Variants in TSHZ2 observed in about 807,000 individuals in gnomAD.
TSHZ2 encodes the protein teashirt zinc finger homeobox 2, also known as teashirt homolog 2.
A neutral mutation model predicts 74.4 loss-of-function variants in TSHZ2; 21 were observed. The ratio of observed to expected loss-of-function variants is 0.28; its 90% CI spans 0.20 to 0.41. The LOEUF (loss-of-function observed/expected upper bound fraction) is 0.41, where lower values mean the gene tolerates loss of function less well. Among genes scored for constraint, TSHZ2 ranks in the 10% least tolerant of loss-of-function variants. TSHZ2 has a pLI of 1.00. For synonymous variants in TSHZ2, 540 were observed against 515.3 expected, an observed-to-expected ratio of 1.05 and a Z score of -0.65; for missense variants, 1,244 against 1,293.5, an observed-to-expected ratio of 0.96 and a Z score of 0.59.
intron 1 of TSHZ2, among the ~76,000 whole-genome samples, chr20:53,047,543 G>A (rs57075800): frequency 0.24 from 36,621 of 152,056 alleles, 7,745 homozygotes; most frequent in African/African-American, 0.57. Context: ...CTAGTGCATT[G>A]CCACAAAGCT....
intron 1 of TSHZ2, among the ~76,000 whole-genome samples, chr20:53,199,372 G>A (rs1034606679): frequency 5.9e-5 from 9 of 152,172 alleles, no homozygotes; most frequent in Non-Finnish European, 1.3e-4. Context: ...TACTCAGGAA[G>A]CAGAGGCATG....
chr20:53,479,242 AT>A, intron 2 of TSHZ2, among the ~76,000 whole-genome samples: 1 of 152,158 alleles, frequency 6.6e-6, no homozygotes, highest in Middle Eastern at 3.5e-3. Context: ...AAACTCGAGC[AT>A]GTACAAAAAT....
intron 2 of TSHZ2, among the ~76,000 whole-genome samples, chr20:53,288,410 CAAAAA>C (rs11475652): frequency 7.9e-6 from 1 of 126,988 alleles, no homozygotes; most frequent in East Asian, 2.4e-4. Context: ...GACTCCGTTT[CAAAAA>C]AAAAAAAAAA....
intron 1 of TSHZ2, among the ~76,000 whole-genome samples, chr20:53,023,818 G>A (rs1185389234): frequency 6.6e-6 from 1 of 152,122 alleles, no homozygotes; most frequent in Non-Finnish European, 1.5e-5. Context: ...ATTTTGTGCT[G>A]TTTATAAACA....
intron 2 of TSHZ2, among the ~76,000 whole-genome samples, chr20:53,416,334 A>G (rs1983252742): frequency 6.6e-6 from 1 of 152,248 alleles, no homozygotes; most frequent in Non-Finnish European, 1.5e-5. Flanking sequence ...TACCAGAGGC[A>G]CTGGAAATAA....
intron 2 of TSHZ2, among the ~76,000 whole-genome samples, chr20:53,287,384 G>C (rs1402461516): frequency 6.6e-6 from 1 of 152,164 alleles, no homozygotes; most frequent in Non-Finnish European, 1.5e-5. Context: ...GGTCCACAAG[G>C]GGTGGGCATT....
chr20:52,978,511 T>TA (rs1340960165), intron 1 of TSHZ2, among the ~76,000 whole-genome samples: 3 of 152,276 alleles, frequency 2.0e-5, no homozygotes, highest in East Asian at 1.9e-4. Context: ...AGGTCCCCTT[T>TA]AAAAAAACAC....
At chr20:53,120,962 A>T (rs1375985878) in intron 1 of TSHZ2, among the ~76,000 whole-genome samples, 1 of 152,244 alleles carries the variant, frequency 6.6e-6, no homozygotes, top group African/African-American at 2.4e-5. Context: ...GATATTCGAT[A>T]CAAATAGTTC....
rs561100356 is a variant in TSHZ2 at position 53,162,777 on chromosome 20, A to AT, written c.41-90720dup. On this transcript the variant is annotated intron_variant, in intron 1 of 2. Transcript: ENST00000371497. Reference sequence around the variant, plus strand: ...TGCTGTTACCTTGCACATTCTAACTATTAACTGCAGAGACATCTGCTGATT... The same window carrying AT: ...TGCTGTTACCTTGCACATTCTAACTATTTAACTGCAGAGACATCTGCTGATT... Among the ~76,000 whole-genome samples, 164 of 152,092 alleles carry AT rather than the reference A, an allele frequency of 1.1e-3. 1 individual carries two copies. The highest frequency in any genetic ancestry group is 3.7e-3 in the African/African-American group (153 of 41,474).
At chr20:53,081,930 C>G (rs1985549951) in intron 1 of TSHZ2, among the ~76,000 whole-genome samples, 1 of 147,708 alleles carries the variant, frequency 6.8e-6, no homozygotes, top group African/African-American at 2.5e-5. Context: ...GAGTCTTACT[C>G]TGTCGCCCAG....
chr20:53,263,427 G>A (rs1990641957), intron 2 of TSHZ2, among the ~76,000 whole-genome samples: 1 of 152,230 alleles, frequency 6.6e-6, no homozygotes, highest in African/African-American at 2.4e-5. Context: ...ATGACCTGGA[G>A]GACCCTAGCA....
intron 2 of TSHZ2, among the ~76,000 whole-genome samples, chr20:53,314,647 A>G (rs1212859275): frequency 2.1e-5 from 3 of 142,550 alleles, no homozygotes; most frequent in Non-Finnish European, 4.5e-5. Flanking sequence ...TTTTTGAGAC[A>G]GAGTCTCACT....
intron 1 of TSHZ2, among the ~76,000 whole-genome samples, chr20:52,989,164 C>T: frequency 7.9e-6 from 1 of 126,172 alleles, no homozygotes; most frequent in Non-Finnish European, 1.7e-5. Flanking sequence ...CTCTGTCTGG[C>T]AAAAAAAAAA....
chr20:53,429,550 C>T (rs13042369), intron 2 of TSHZ2, among the ~76,000 whole-genome samples: 29,367 of 152,196 alleles, frequency 0.19, 2,903 homozygotes, highest in Middle Eastern at 0.27. Context: ...ACATGCCTTT[C>T]ACCTTTTGCC....
At chr20:53,274,712 C>T (rs6097325) in intron 2 of TSHZ2, among the ~76,000 whole-genome samples, 6,832 of 152,320 alleles carry the variant, frequency 0.045, 233 homozygotes, top group African/African-American at 0.098. Context: ...TGAACCAATA[C>T]GAGCACCAAA....
chr20:53,192,562 G>GAAA (rs35358292), intron 1 of TSHZ2, among the ~76,000 whole-genome samples: 30 of 127,268 alleles, frequency 2.4e-4, no homozygotes, highest in South Asian at 1.2e-3. Flanking sequence ...TTAGTGTCTG[G>GAAA]AAAAAAAAAA....
In TSHZ2 at chr20:53,122,724, C is replaced by T. The variant is rs140825883; in HGVS notation, c.41-130775C>T. On this transcript the variant is annotated intron_variant, in intron 1 of 2. Coordinates refer to ENST00000371497, the MANE Select transcript of TSHZ2 (RefSeq NM_173485.6). Reference sequence around the variant, plus strand: ...TTCGGCAAGGCTGCCTCTGGTATCACGGCTACCTAGACACACCAAAGATAT... The same window carrying T: ...TTCGGCAAGGCTGCCTCTGGTATCATGGCTACCTAGACACACCAAAGATAT... Among the ~76,000 whole-genome samples the T allele has an allele frequency of 1.7e-4, 26 of 152,248 alleles. No homozygotes were observed. The East Asian group carries it at 2.7e-3, about 16-fold the overall frequency.
intron 1 of TSHZ2, among the ~76,000 whole-genome samples, chr20:53,000,881 T>C (rs1170101043): frequency 6.6e-6 from 1 of 152,132 alleles, no homozygotes; most frequent in Non-Finnish European, 1.5e-5. Context: ...AGCTGGGGGA[T>C]GTCCAGGGTT....
At chr20:53,009,388 G>T (rs900197861) in intron 1 of TSHZ2, among the ~76,000 whole-genome samples, 2 of 152,002 alleles carry the variant, frequency 1.3e-5, no homozygotes, top group Non-Finnish European at 2.9e-5. Flanking sequence ...CCTGTACAGT[G>T]CTCACTCTTC....
Sources: gnomAD v4.1 joint callset for allele counts (sites outside exome capture counted in the v4.1 genomes callset) on GRCh38, gnomAD v4.1.1 for gene constraint, MANE v1.5 for transcripts, NCBI Gene and HGNC (gene_info 2026-07-23, HGNC 2026-07-21) for gene names.